The following NTN4 variants were observed in gnomAD, a reference collection of about 807,000 sequenced individuals.
NTN4 encodes netrin-4.
In NTN4, 32 loss-of-function variants were observed where a neutral mutation model predicts 73.6. That is an observed-to-expected ratio of 0.44 (90% CI 0.33 to 0.58). The LOEUF (loss-of-function observed/expected upper bound fraction) is 0.58, where lower values mean the gene tolerates loss of function less well. Among genes scored for constraint, NTN4 ranks in the 20% least tolerant of loss-of-function variants. The pLI, the probability that NTN4 is intolerant of heterozygous loss-of-function variation, is 0.04. For missense variants in NTN4, 654 were observed against 798.3 expected (o/e 0.82, Z 2.18); for synonymous variants, 258 against 287.5 (o/e 0.90, Z 1.04).
chr12:95,747,529 C>A (rs1022026387), intron 2 of NTN4, among the ~76,000 whole-genome samples: 2 of 152,128 alleles, frequency 1.3e-5, no homozygotes, highest in Non-Finnish European at 2.9e-5. Flanking sequence ...GTCTCAAACT[C>A]CTGGCCTCAA....
intron 9 of NTN4, chr12:95,663,563 T>C (rs1020225684): frequency 2.6e-5 from 4 of 152,238 alleles, no homozygotes; most frequent in African/African-American, 7.2e-5. Flanking sequence ...TTTTCCAAAG[T>C]AGCCAAGGAA....
intron 3 of NTN4, among the ~76,000 whole-genome samples, chr12:95,733,289 A>G (rs1317537403): frequency 6.6e-6 from 1 of 152,178 alleles, no homozygotes; most frequent in Non-Finnish European, 1.5e-5. Context: ...TCTTCACACA[A>G]TTTCCGGGAT....
chr12:95,719,227 T>C (rs758072223), intron 3 of NTN4, among the ~76,000 whole-genome samples: 1 of 152,220 alleles, frequency 6.6e-6, no homozygotes, highest in Non-Finnish European at 1.5e-5. Flanking sequence ...GTCATTATTA[T>C]TTATATACAT....
At chr12:95,692,672 A>C (rs1209772557) in intron 5 of NTN4, among the ~76,000 whole-genome samples, 1 of 152,224 alleles carries the variant, frequency 6.6e-6, no homozygotes, top group Non-Finnish European at 1.5e-5. Context: ...TAAGGCTCTA[A>C]AACTAATATT....
intron 2 of NTN4, among the ~76,000 whole-genome samples, chr12:95,751,531 A>AC (rs1308101426): frequency 1.3e-5 from 2 of 151,868 alleles, no homozygotes; most frequent in Non-Finnish European, 2.9e-5. Flanking sequence ...TCTGTGTGGG[A>AC]CCCCACTGAA....
intron 5 of NTN4, among the ~76,000 whole-genome samples, chr12:95,705,708 A>G (rs957235359): frequency 9.9e-5 from 15 of 152,134 alleles, no homozygotes; most frequent in African/African-American, 3.6e-4. Flanking sequence ...TCCGTAACAC[A>G]ATACTTATTA....
In NTN4 at chr12:95,790,320, A is replaced by G; in HGVS notation, c.-11T>C. On this transcript the variant is annotated 5_prime_UTR_variant, in exon 1 of 10. Coordinates refer to ENST00000343702, the MANE Select transcript of NTN4 (RefSeq NM_021229.4). This position sits in a 1 kb window ranked among gnomAD's most constrained non-coding sequence, Gnocchi z 6.5. The stretch of plus-strand genomic sequence containing the variant: ...CGCGCAGCTCCCCATGGCCGGGAGG[A>G]GCCGGGAGCAGCCGGGCCGGGCGGG... 1 of 1,525,258 alleles carries G rather than the reference A, an allele frequency of 6.6e-7. No homozygotes were observed. The highest frequency in any genetic ancestry group is 1.2e-5 in the South Asian group (1 of 81,462). The allele number at this position is 1,525,258 out of a possible 1,614,324, so 94.5% of individuals were successfully genotyped here. A position where few individuals can be genotyped will look rare whatever the true frequency, so the allele number is the denominator to read the frequency against.
rs2079174905 is a variant in NTN4, at chr12:95,787,223, A to G, written c.301T>C (p.Phe101Leu). ...PSAMADSSFRFPRTWWQSAED... is the reference protein window; with the variant it reads ...PSAMADSSFRLPRTWWQSAED... ...GCAGACTGCCACCATGTGCGAGGAAACCGGAAGGATGAGTCTGCCATGGCA... is the reference window on the plus strand; with the variant it reads ...GCAGACTGCCACCATGTGCGAGGAAGCCGGAAGGATGAGTCTGCCATGGCA... The change falls in exon 2 of 10, where the codon TTT becomes CTT. Residue 101 changes from phenylalanine (F) to leucine (L), a missense_variant. Coordinates refer to ENST00000343702, the MANE Select transcript of NTN4 (RefSeq NM_021229.4). 1.2e-5 allele frequency: 20 copies of G among 1,614,196 alleles called. No individual in the cohort carries two copies. The highest frequency in any genetic ancestry group is 1.5e-5 in the Non-Finnish European group (18 of 1,180,038).
At chr12:95,706,862 G>A (rs1210512111) in intron 5 of NTN4, among the ~76,000 whole-genome samples, 1 of 152,146 alleles carries the variant, frequency 6.6e-6, no homozygotes, top group African/African-American at 2.4e-5. Flanking sequence ...ACTTTACTGT[G>A]CATCAGAATC....
At chr12:95,692,066 G>A (rs1022806384) in intron 5 of NTN4, among the ~76,000 whole-genome samples, 4 of 152,118 alleles carry the variant, frequency 2.6e-5, no homozygotes, top group South Asian at 2.1e-4. Flanking sequence ...ACAGAGTTTC[G>A]CTCTTGTCGC....
At chr12:95,744,385 A>G (rs1019781416) in intron 2 of NTN4, among the ~76,000 whole-genome samples, 9 of 152,210 alleles carry the variant, frequency 5.9e-5, no homozygotes, top group Non-Finnish European at 1.3e-4. Context: ...ACTTAGCTAT[A>G]TCTTTATATT....
intron 3 of NTN4, among the ~76,000 whole-genome samples, chr12:95,728,585 A>G (rs1011161752): frequency 1.1e-4 from 17 of 152,212 alleles, no homozygotes; most frequent in African/African-American, 4.1e-4. Flanking sequence ...TGTTCAGCCT[A>G]TGGAAATACT....
At chr12:95,764,332 T>C (rs1281625128) in intron 2 of NTN4, among the ~76,000 whole-genome samples, 5 of 152,268 alleles carry the variant, frequency 3.3e-5, no homozygotes, top group East Asian at 3.9e-4. Context: ...TGCCAGAGCA[T>C]CTAGAAGTAG....
At chr12:95,746,482 C>T (rs140420507) in intron 2 of NTN4, among the ~76,000 whole-genome samples, 1 of 152,110 alleles carries the variant, frequency 6.6e-6, no homozygotes, top group African/African-American at 2.4e-5. Flanking sequence ...TCTTGGCCGC[C>T]GGCTAAATAA....
intron 7 of NTN4, chr12:95,673,993 A>T (rs2078254129): frequency 6.6e-6 from 1 of 152,122 alleles, no homozygotes; most frequent in Admixed American, 6.6e-5. Context: ...ATGTGCAATT[A>T]AAAAAATTGG....
intron 7 of NTN4, chr12:95,672,406 AC>A: frequency 9.3e-7 from 1 of 1,076,592 alleles, no homozygotes; most frequent in Non-Finnish European, 1.4e-6. Context: ...CCGGCAGGCC[AC>A]CAGGAGGTGA....
intron 2 of NTN4, among the ~76,000 whole-genome samples, chr12:95,780,947 C>T (rs1373637270): frequency 1.3e-5 from 2 of 152,178 alleles, no homozygotes; most frequent in African/African-American, 2.4e-5. Context: ...GGCACATATA[C>T]ACCATGGAAT....
chr12:95,737,946 A>C lies in NTN4; in HGVS notation c.784T>G (p.Cys262Gly). ...TGATCAGCGTGGCCATTGCAGAAGC[A>C]GCTGCCCTTGACAATGAAATCATAG... Reference protein sequence around the residue: ...AIYDFIVKGSCFCNGHADQCI... With the variant: ...AIYDFIVKGSGFCNGHADQCI... Residue 262 changes from cysteine to glycine, a missense_variant, in exon 3 of 10, where the codon TGC (cysteine) becomes GGC (glycine). Coordinates refer to ENST00000343702, the MANE Select transcript of NTN4 (RefSeq NM_021229.4). 2 of 1,614,158 alleles carry C rather than the reference A, an allele frequency of 1.2e-6. No homozygotes were observed. Among genetic ancestry groups the C allele is most frequent in the South Asian group, 2.2e-5 (2 of 91,082 alleles).
intron 8 of NTN4, 64 bp downstream of exon 8, chr12:95,670,014 C>A: frequency 1.0e-6 from 1 of 964,064 alleles, no homozygotes; most frequent in South Asian, 1.7e-5. Flanking sequence ...CTCCCATTTT[C>A]TTAAAAATTC....
Sources: gnomAD v4.1 joint callset for allele counts (sites outside exome capture counted in the v4.1 genomes callset) on GRCh38, gnomAD v4.1.1 for gene constraint, Gnocchi (gnomAD v3.1) non-coding constraint, MANE v1.5 for transcripts, NCBI Gene and HGNC (gene_info 2026-07-23, HGNC 2026-07-21) for gene names.